Variants in GPR139 observed in about 807,000 individuals in gnomAD.
GPR139 encodes G protein-coupled receptor 139.
In GPR139, 12 loss-of-function variants were observed where a neutral mutation model predicts 25.8. That is an observed-to-expected ratio of 0.47 (90% CI 0.30 to 0.75). The LOEUF (loss-of-function observed/expected upper bound fraction) is 0.75, where lower values mean the gene tolerates loss of function less well. Ranked by LOEUF, GPR139 falls within the 30% of genes least tolerant of loss-of-function variation. The probability of loss-of-function intolerance (pLI) is 0.07; values close to 1 mark genes in which losing one functional copy is unlikely to be tolerated. For synonymous variants in GPR139, 184 were observed against 179.9 expected (o/e 1.02, Z -0.18); for missense variants, 380 against 450.2 (o/e 0.84, Z 1.41).
At chr16:20,066,344 T>C (rs2057433996) in intron 1 of GPR139, among the ~76,000 whole-genome samples, 1 of 152,236 alleles carries the variant, frequency 6.6e-6, no homozygotes, top group Admixed American at 6.5e-5. Context: ...TGTCGGTCTC[T>C]GCCAGCTGTA....
At chr16:20,064,182 A>G (rs191159772) in intron 1 of GPR139, among the ~76,000 whole-genome samples, 4 of 152,250 alleles carry the variant, frequency 2.6e-5, no homozygotes, top group African/African-American at 9.6e-5. Context: ...GGGGACACAA[A>G]CCTCAACCAT....
intron 1 of GPR139, among the ~76,000 whole-genome samples, chr16:20,052,810 C>G (rs1596468628): frequency 6.6e-6 from 1 of 150,592 alleles, no homozygotes; most frequent in African/African-American, 2.5e-5. Flanking sequence ...AAAAAGCTTC[C>G]ATTTAACAAT....
chr16:20,057,487 G>A (rs2057393705), intron 1 of GPR139, among the ~76,000 whole-genome samples: 1 of 151,872 alleles, frequency 6.6e-6, no homozygotes, highest in African/African-American at 2.4e-5. Context: ...GATTAAGAAG[G>A]TAGTCATCTA....
Position 20,029,210 on chromosome 16 carries a change from C to T in GPR139, c.*2525G>A, listed in dbSNP as rs537725496. Among the ~76,000 whole-genome samples, 2 of 152,032 alleles carry T rather than the reference C, an allele frequency of 1.3e-5. No individual in the cohort carries two copies. The highest frequency in any genetic ancestry group is 4.8e-5 in the African/African-American group (2 of 41,478). On this transcript the variant is annotated 3_prime_UTR_variant, in exon 2 of 2. Coordinates refer to ENST00000570682, the MANE Select transcript of GPR139 (RefSeq NM_001002911.4). The stretch of plus-strand genomic sequence containing the variant: ...CGGAGGAAAAGAGATCACAATACCA[C>T]GTGGTAGAGCCTCTATCATCGAGAA...
chr16:20,032,345 C>G lies in GPR139; in HGVS notation c.452G>C (p.Ser151Thr), dbSNP rs753106637. The change falls in exon 2 of 2, where the codon AGT becomes ACT. Residue 151 changes from serine (S) to threonine (T), a missense_variant. Physicochemically the swap from Ser to Thr is moderately conservative, Grantham distance 58 (BLOSUM62 1). Coordinates refer to ENST00000570682, the MANE Select transcript of GPR139 (RefSeq NM_001002911.4). ...YPARTRKVIV[S>T]VYITCFLTSI... is the part of the protein sequence containing the mutation. The stretch of plus-strand genomic sequence containing the variant: ...GGTCAGGAAGCAGGTGATGTAAACA[C>G]TTACAATGACTTTCCGGGTGCGGGC... 1 of 1,614,212 alleles carries G rather than the reference C, an allele frequency of 6.2e-7. No homozygotes were observed. Among genetic ancestry groups the G allele is most frequent in the Non-Finnish European group, 8.5e-7 (1 of 1,180,042 alleles).
intron 1 of GPR139, among the ~76,000 whole-genome samples, chr16:20,068,265 A>C (rs1399758642): frequency 1.3e-5 from 2 of 148,776 alleles, no homozygotes; most frequent in Non-Finnish European, 3.0e-5. Context: ...AAAAGAAAGG[A>C]GAAATAAAAT....
chr16:20,051,028 T>A (rs2057369734), intron 1 of GPR139, among the ~76,000 whole-genome samples: 1 of 125,950 alleles, frequency 7.9e-6, no homozygotes. Context: ...GTGCCACTGC[T>A]CACCAGCCTG....
At chr16:20,042,321 C>T (rs1023587028) in intron 1 of GPR139, among the ~76,000 whole-genome samples, 9 of 152,134 alleles carry the variant, frequency 5.9e-5, no homozygotes, top group East Asian at 1.9e-4. Flanking sequence ...CTCCTAGAGG[C>T]GGGAATCTGC....
chr16:20,069,106 G>A (rs1312753240), intron 1 of GPR139, among the ~76,000 whole-genome samples: 5 of 152,068 alleles, frequency 3.3e-5, no homozygotes, highest in Non-Finnish European at 4.4e-5. Flanking sequence ...TCTTTGTCCG[G>A]TTTTGATAAA....
In GPR139 at chr16:20,028,649, G is replaced by C. The variant is rs1411304090; in HGVS notation, c.*3086C>G. ...GGGTGTTTGCAACACACAAGTTCGTGCCCACTCCGGTCTGTCTTTTATGGT... is the reference window on the plus strand; with the variant it reads ...GGGTGTTTGCAACACACAAGTTCGTCCCCACTCCGGTCTGTCTTTTATGGT... On this transcript the variant is annotated 3_prime_UTR_variant, in exon 2 of 2. Transcript: ENST00000570682. 6.6e-6 allele frequency among the ~76,000 whole-genome samples: 1 copy of C among 152,122 alleles called. No individual in the cohort carries two copies. The highest frequency in any genetic ancestry group is 1.5e-5 in the Non-Finnish European group (1 of 68,020).
At chr16:20,071,784 C>T (rs12598240) in intron 1 of GPR139, among the ~76,000 whole-genome samples, 19,542 of 151,948 alleles carry the variant, frequency 0.13, 1,412 homozygotes, top group East Asian at 0.26. Flanking sequence ...CCTCTTGTCC[C>T]TGCTTTGAAC....
At chr16:20,072,599 TTC>T (rs140207917) in intron 1 of GPR139, among the ~76,000 whole-genome samples, 3 of 151,846 alleles carry the variant, frequency 2.0e-5, no homozygotes, top group Admixed American at 2.0e-4. Flanking sequence ...GAAAAAAGCT[TTC>T]TCTCTCTCTC....
chr16:20,059,824 T>C (rs1269023713), intron 1 of GPR139, among the ~76,000 whole-genome samples: 1 of 152,164 alleles, frequency 6.6e-6, no homozygotes, highest in Non-Finnish European at 1.5e-5. Context: ...CTGCTCACAG[T>C]CTTGCAGCTA....
Position 20,031,332 on chromosome 16 carries a change from GAGTGC to G in GPR139, c.*398_*402del, listed in dbSNP as rs1409577309. Among the ~76,000 whole-genome samples the G allele has an allele frequency of 6.6e-6, 1 of 152,168 alleles. No homozygotes were observed. The highest frequency in any genetic ancestry group is 1.5e-5 in the Non-Finnish European group (1 of 68,040). ...TGAATGACCTCAGCTCTCGGAAGAA[GAGTGC>G]AGGCTCAGCTATGTGCTACTGGGGC... On this transcript the variant is annotated 3_prime_UTR_variant, in exon 2 of 2. Coordinates refer to ENST00000570682, the MANE Select transcript of GPR139 (RefSeq NM_001002911.4).
At chr16:20,061,441 G>A (rs1448317641) in intron 1 of GPR139, among the ~76,000 whole-genome samples, 1 of 152,186 alleles carries the variant, frequency 6.6e-6, no homozygotes, top group Non-Finnish European at 1.5e-5. Context: ...ATGGATGTGT[G>A]GGCGGATGTA....
intron 1 of GPR139, among the ~76,000 whole-genome samples, chr16:20,040,191 G>A (rs1326775577): frequency 6.6e-6 from 1 of 152,170 alleles, no homozygotes; most frequent in African/African-American, 2.4e-5. Context: ...ACTGCTCACT[G>A]GCTGCAAATG....
intron 1 of GPR139, among the ~76,000 whole-genome samples, chr16:20,049,708 T>TAGG (rs1172074704): frequency 2.0e-5 from 3 of 152,228 alleles, no homozygotes; most frequent in African/African-American, 4.8e-5. Context: ...AATTCCAGGT[T>TAGG]TGCTGATTCC....
chr16:20,058,903 T>C (rs1463780416), intron 1 of GPR139, among the ~76,000 whole-genome samples: 1 of 152,218 alleles, frequency 6.6e-6, no homozygotes, highest in Non-Finnish European at 1.5e-5. Context: ...CACTCTCCAC[T>C]GTGCCGCGGG....
chr16:20,067,931 C>G (rs933532067), intron 1 of GPR139, among the ~76,000 whole-genome samples: 1 of 150,606 alleles, frequency 6.6e-6, no homozygotes, highest in African/African-American at 2.4e-5. Context: ...AGAAAGCCAT[C>G]GTGGATGATT....
Sources: gnomAD v4.1 joint callset for allele counts (sites outside exome capture counted in the v4.1 genomes callset) on GRCh38, gnomAD v4.1.1 for gene constraint, MANE v1.5 for transcripts, NCBI Gene and HGNC (gene_info 2026-07-23, HGNC 2026-07-21) for gene names.